The following MAP3K5 variants were observed in gnomAD, a reference collection of about 807,000 sequenced individuals.
The protein encoded by MAP3K5 is ASK-1.
Under a neutral mutation model 158.7 loss-of-function variants are expected in MAP3K5, and 56 were observed. The observed-to-expected ratio is 0.35, with a 90% CI of 0.28 to 0.44. The LOEUF is 0.44. Ranked by LOEUF, MAP3K5 falls within the 20% of genes least tolerant of loss-of-function variation. The pLI is 1.00. For synonymous variants in MAP3K5, 579 were observed against 601.7 expected, an observed-to-expected ratio of 0.96 and a Z score of 0.55; for missense variants, 1,294 against 1,674.8, an observed-to-expected ratio of 0.77 and a Z score of 3.97.
chr6:136,678,497 G>T (rs2114578343), intron 7 of MAP3K5, among the ~76,000 whole-genome samples: 1 of 152,112 alleles, frequency 6.6e-6, no homozygotes, highest in Non-Finnish European at 1.5e-5. Flanking sequence ...TATACATAAA[G>T]AAATCTAAAC....
chr6:136,785,719 C>T (rs189439885), intron 1 of MAP3K5, among the ~76,000 whole-genome samples: 46 of 152,320 alleles, frequency 3.0e-4, no homozygotes, highest in Non-Finnish European at 4.3e-4. Flanking sequence ...CCCTTCCTCA[C>T]CACAGCCCCA....
intron 7 of MAP3K5, among the ~76,000 whole-genome samples, chr6:136,672,164 G>A (rs1471136112): frequency 1.3e-5 from 2 of 152,158 alleles, no homozygotes; most frequent in African/African-American, 2.4e-5. Context: ...TAAATGTGAG[G>A]GGGAAAGCTT....
At chr6:136,711,920 G>A (rs1781326473) in intron 2 of MAP3K5, among the ~76,000 whole-genome samples, 1 of 151,780 alleles carries the variant, frequency 6.6e-6, no homozygotes, top group East Asian at 1.9e-4. Flanking sequence ...TTCATGACGG[G>A]GGCTAAGAAC....
At chr6:136,740,257 G>T (rs1782654812) in intron 1 of MAP3K5, among the ~76,000 whole-genome samples, 1 of 152,186 alleles carries the variant, frequency 6.6e-6, no homozygotes, top group Admixed American at 6.5e-5. Flanking sequence ...AGCGGGGCTG[G>T]GGACGGGGGA....
At chr6:136,597,284 A>G (rs1775674898) in intron 21 of MAP3K5, among the ~76,000 whole-genome samples, 1 of 152,198 alleles carries the variant, frequency 6.6e-6, no homozygotes, top group Non-Finnish European at 1.5e-5. Context: ...GATTGCTGGG[A>G]GCTCCCATCT....
intron 14 of MAP3K5, 47 bp downstream of exon 14, chr6:136,637,278 T>C (rs1471117874): frequency 1.4e-6 from 2 of 1,460,088 alleles, no homozygotes; most frequent in Non-Finnish European, 1.9e-6. Flanking sequence ...TTCAAATAGT[T>C]TGTTTTAAAA....
intron 1 of MAP3K5, among the ~76,000 whole-genome samples, chr6:136,751,926 A>C (rs1783226973): frequency 6.6e-6 from 1 of 152,224 alleles, no homozygotes; most frequent in Non-Finnish European, 1.5e-5. Context: ...AATCCCAGTG[A>C]CCACAGTAAT....
rs775214089 is a variant in MAP3K5, at chr6:136,611,331, T to C, written c.2472A>G (p.Gly824=). ...YSGVLKISDF[G]TSKRLAGINP... is the part of the protein sequence containing the mutation. ...TTATGCCAGCAAGCCTCTTTGATGT[T>C]CCGAAGTCAGAGATCTTGAGAACAC... The change falls in exon 18 of 30, where the codon GGA becomes GGG. Residue 824 remains glycine (G), a synonymous_variant. Transcript: ENST00000359015. 22 of 1,613,558 alleles carry C rather than the reference T, an allele frequency of 1.4e-5. No homozygotes were observed. The highest frequency in any genetic ancestry group is 1.9e-5 in the Non-Finnish European group (22 of 1,179,720).
At chr6:136,580,987 C>G (rs374540184) in intron 24 of MAP3K5, among the ~76,000 whole-genome samples, 1 of 152,018 alleles carries the variant, frequency 6.6e-6, no homozygotes, top group South Asian at 2.1e-4. Flanking sequence ...GCCATCTTAG[C>G]CATTTTTAAG....
rs774736167 is a variant in MAP3K5, at chr6:136,656,322, A to C, written c.1665T>G (p.Thr555=). Residue 555 remains threonine (T), a synonymous_variant, in exon 10 of 30, where the codon ACT becomes ACG. Coordinates refer to ENST00000359015, the MANE Select transcript of MAP3K5 (RefSeq NM_005923.4). Reference sequence around the variant, plus strand: ...GAGTACTCACTGGAAACCTAACCACAGTAACATCTGTCTTTGTGGCCTCGA... The same window carrying C: ...GAGTACTCACTGGAAACCTAACCACCGTAACATCTGTCTTTGTGGCCTCGA... The part of the protein sequence containing the change: ...FLVEATKTDV[T]VVRFPVLILE... The C allele has an allele frequency of 6.2e-7, 1 of 1,613,880 alleles. No individual in the cohort carries two copies.
chr6:136,724,436 T>C (rs1781873858), intron 1 of MAP3K5, among the ~76,000 whole-genome samples: 1 of 151,896 alleles, frequency 6.6e-6, no homozygotes, highest in Non-Finnish European at 1.5e-5. Context: ...TTAGTAGAGA[T>C]GGGGTTTCGC....
At chr6:136,737,825 T>G (rs1435813936) in intron 1 of MAP3K5, among the ~76,000 whole-genome samples, 1 of 152,162 alleles carries the variant, frequency 6.6e-6, no homozygotes, top group Non-Finnish European at 1.5e-5. Context: ...GAAATAGATG[T>G]AAATGTTCTT....
chr6:136,773,275 C>G (rs1357464215), intron 1 of MAP3K5, among the ~76,000 whole-genome samples: 1 of 152,178 alleles, frequency 6.6e-6, no homozygotes, highest in Admixed American at 6.5e-5. Flanking sequence ...GCCTGCACCG[C>G]TTCCAGAGAC....
intron 28 of MAP3K5, 126 bp from the exon 29 acceptor site, chr6:136,559,002 A>T (rs1489856510): frequency 1.6e-6 from 1 of 616,264 alleles, no homozygotes; most frequent in Admixed American, 2.9e-5. Context: ...TACTAAAAAC[A>T]CAATCTTCCA....
intron 8 of MAP3K5, among the ~76,000 whole-genome samples, chr6:136,660,405 C>CAGA (rs1330432041): frequency 6.6e-6 from 1 of 151,080 alleles, no homozygotes; most frequent in African/African-American, 2.4e-5. Flanking sequence ...AATTTAAAAT[C>CAGA]TAAAAAAAAG....
At position 136,613,331 on chromosome 6, in the gene MAP3K5, TA is replaced by T; in HGVS notation, c.2279-76del. On this transcript the variant is annotated intron_variant, in intron 16 of 29. Transcript: ENST00000359015. The surrounding 1 kb of genome is among the most constrained non-coding windows in gnomAD (Gnocchi z 4.0). Reference sequence around the variant, plus strand: ...TTAAAGTGTATTAATAATGTAACAGTAATTTAAGCTAACAGTCATTGGTTCT... The same window carrying T: ...TTAAAGTGTATTAATAATGTAACAGTATTTAAGCTAACAGTCATTGGTTCT... The T allele has an allele frequency of 7.7e-7, 1 of 1,304,362 alleles. No homozygotes were observed. 80.8% of individuals were successfully genotyped at this position (1,304,362 alleles called of 1,614,324 possible). A position where few individuals can be genotyped will look rare whatever the true frequency, so the allele number is the denominator to read the frequency against.
intron 3 of MAP3K5, among the ~76,000 whole-genome samples, chr6:136,700,270 T>C (rs1176295801): frequency 1.3e-5 from 2 of 151,868 alleles, no homozygotes; most frequent in South Asian, 2.1e-4. Context: ...AGGGAAGAGA[T>C]ATGAGGTTTG....
chr6:136,683,314 T>C (rs1382084907), intron 7 of MAP3K5, among the ~76,000 whole-genome samples: 1 of 152,230 alleles, frequency 6.6e-6, no homozygotes, highest in Admixed American at 6.5e-5. Flanking sequence ...GCATGTTTTC[T>C]CAGTCCTAAG....
Position 136,562,605 on chromosome 6 carries a change from C to A in MAP3K5, c.3772G>T (p.Glu1258Ter), listed in dbSNP as rs1273288943. The A allele has an allele frequency of 6.3e-7, 1 of 1,585,594 alleles. No homozygotes were observed. Among genetic ancestry groups the A allele is most frequent in the South Asian group, 1.1e-5 (1 of 88,646 alleles). ...AATTCTTTCTCTTTCCGAACCAATT[C>A]TTCCAGTAATCTGCAGAAGAAAAAT... ...MKIETNRLLE[E>*]LVRKEKELQA... The change falls in exon 27 of 30, where the codon GAA (glutamate) becomes TAA (stop). Residue 1258 changes from glutamate to a stop codon, truncating the protein, a stop_gained. Transcript: ENST00000359015. LOFTEE classifies it high-confidence loss of function.
Sources: gnomAD v4.1 joint callset for allele counts (sites outside exome capture counted in the v4.1 genomes callset) on GRCh38, gnomAD v4.1.1 for gene constraint, Gnocchi (gnomAD v3.1) non-coding constraint, MANE v1.5 for transcripts, NCBI Gene and HGNC (gene_info 2026-07-23, HGNC 2026-07-21) for gene names.